The following UTY variants were observed in gnomAD, a reference collection of about 807,000 sequenced individuals.
UTY encodes ubiquitously transcribed tetratricopeptide repeat containing, Y-linked, also known as histone demethylase UTY.
In UTY, 12 loss-of-function variants were observed where a neutral mutation model predicts 32.5. That is an observed-to-expected ratio of 0.37 (90% CI 0.24 to 0.60). The LOEUF is 0.60. Among genes scored for constraint, UTY ranks in the 20% least tolerant of loss-of-function variants. UTY has a pLI of 0.69. For synonymous variants in UTY, 131 were observed against 103.4 expected (o/e 1.27, Z -1.62); for missense variants, 303 against 299.2 (o/e 1.01, Z -0.09).
chrY:13,345,404 G>C (rs2061823602), intron 17 of UTY, among the ~76,000 whole-genome samples: 3 of 34,116 alleles, frequency 8.8e-5, no homozygotes, highest in Non-Finnish European at 2.2e-4. Flanking sequence ...ACTGGAAGCT[G>C]ACTAGTCTAT....
chrY:13,315,957 A>T (rs2059457385), intron 21 of UTY, among the ~76,000 whole-genome samples: 1 of 33,292 alleles, frequency 3.0e-5, no homozygotes, highest in Admixed American at 2.7e-4. Flanking sequence ...GTCTCCCTAA[A>T]ATGTACAAAA....
chrY:13,311,526 C>A, intron 21 of UTY, among the ~76,000 whole-genome samples: 1 of 26,613 alleles, frequency 3.8e-5, no homozygotes, highest in Non-Finnish European at 8.8e-5. Context: ...ACCCGGGAGG[C>A]GGAGCTTGCA....
At chrY:13,272,567 A>C in intron 27 of UTY, among the ~76,000 whole-genome samples, 1 of 33,896 alleles carries the variant, frequency 3.0e-5, no homozygotes, top group Non-Finnish European at 7.3e-5. Flanking sequence ...AAGACAGACA[A>C]ATAACAGTTG....
At chrY:13,289,767 A>C (rs112596085) in intron 27 of UTY, among the ~76,000 whole-genome samples, 1,709 of 33,262 alleles carry the variant, frequency 0.051, no homozygotes, top group African/African-American at 0.19. Flanking sequence ...TAGACAAAGA[A>C]AGGTCATCAC....
Position 13,324,669 on chromosome Y carries a change from T to C in UTY, c.3002A>G (p.His1001Arg). 1 of 397,688 alleles carries C rather than the reference T, an allele frequency of 2.5e-6. No homozygotes were observed. The change falls in exon 20 of 30, where the codon CAT becomes CGT. Residue 1001 changes from histidine to arginine, a missense_variant. His to Arg is a conservative substitution (Grantham distance 29). Transcript: ENST00000545955. Reference protein sequence around the residue: ...NKRDAFFPPLHQFCTNPKNPV... With the variant: ...NKRDAFFPPLRQFCTNPKNPV... ...GTTTTTTGGATTTGTACAAAATTGA[T>C]GTAATGGAGGAAAGAAAGCATCACG...
chrY:13,418,471 T>C (rs2072077572), intron 4 of UTY, among the ~76,000 whole-genome samples: 1 of 33,102 alleles, frequency 3.0e-5, no homozygotes, highest in Non-Finnish European at 7.4e-5. Flanking sequence ...TCTAGATCCC[T>C]GAGGAATTGC....
intron 8 of UTY, among the ~76,000 whole-genome samples, chrY:13,389,577 T>C (rs2067292964): frequency 3.0e-5 from 1 of 33,823 alleles, no homozygotes; most frequent in African/African-American, 1.2e-4. Context: ...CAAAAAAGAC[T>C]ATCCTTTTCC....
chrY:13,340,152 G>A (rs2061389718), intron 17 of UTY, among the ~76,000 whole-genome samples: 2 of 31,926 alleles, frequency 6.3e-5, no homozygotes, highest in East Asian at 8.3e-4. Flanking sequence ...CTGGGTACCC[G>A]GATCAGTTTT....
At chrY:13,359,250 T>C in intron 12 of UTY, 28 bp from the exon 13 acceptor site, 1 of 380,733 alleles carries the variant, frequency 2.6e-6, no homozygotes, top group Non-Finnish European at 3.7e-6. Context: ...AAAAGCAAAT[T>C]TAACACAAGC....
At chrY:13,381,859 T>TA (rs2066171570) in intron 8 of UTY, among the ~76,000 whole-genome samples, 1 of 32,846 alleles carries the variant, frequency 3.0e-5, no homozygotes, top group Non-Finnish European at 7.4e-5. Context: ...TAAATAAACT[T>TA]ACTGCACTGC....
At chrY:13,313,766 C>T in intron 21 of UTY, among the ~76,000 whole-genome samples, 2 of 33,546 alleles carry the variant, frequency 6.0e-5, no homozygotes, top group African/African-American at 2.3e-4. Flanking sequence ...TCATCGGTTT[C>T]GTCTGGGAAC....
chrY:13,363,149 G>A (rs2063735565), intron 10 of UTY, among the ~76,000 whole-genome samples: 1 of 32,175 alleles, frequency 3.1e-5, no homozygotes. Context: ...TGATCCACCC[G>A]CCTCGGCCTC....
At chrY:13,472,927 A>G in intron 2 of UTY, among the ~76,000 whole-genome samples, 1 of 33,769 alleles carries the variant, frequency 3.0e-5, no homozygotes, top group Non-Finnish European at 7.3e-5. Flanking sequence ...CAATCTTAAT[A>G]TAACTGGAAT....
intron 6 of UTY, among the ~76,000 whole-genome samples, chrY:13,405,847 C>T: frequency 6.0e-5 from 2 of 33,175 alleles, no homozygotes; most frequent in Admixed American, 2.7e-4. Context: ...TTGTTATATG[C>T]ATTTATGATC....
At chrY:13,268,899 C>T in intron 27 of UTY, among the ~76,000 whole-genome samples, 1 of 33,742 alleles carries the variant, frequency 3.0e-5, no homozygotes, top group East Asian at 7.8e-4. Flanking sequence ...CCTCTGGAAG[C>T]TTTGTCCCAG....
chrY:13,479,333 C>G lies in UTY; in HGVS notation c.153-16G>C. On this transcript the variant is annotated splice_polypyrimidine_tract_variant and intron_variant, in intron 1 of 29. Transcript: ENST00000545955. ...GAAGAGACGGCTGTAGAGAGAGAGA[C>G]ACAGAGCTTGTTAATGGTCTGAGAA... is the stretch of plus-strand genomic sequence containing the variant. The G allele has an allele frequency of 2.5e-6, 1 of 396,644 alleles. No individual in the cohort carries two copies. Among genetic ancestry groups the G allele is most frequent in the Non-Finnish European group, 3.5e-6 (1 of 282,063 alleles).
intron 4 of UTY, among the ~76,000 whole-genome samples, chrY:13,445,244 AAT>A (rs60043171): frequency 0.08 from 413 of 5,153 alleles, no homozygotes; most frequent in East Asian, 0.29. Context: ...TTTTTAAAAT[AAT>A]ATATATATAT....
intron 17 of UTY, among the ~76,000 whole-genome samples, chrY:13,346,526 T>C: frequency 3.0e-5 from 1 of 33,332 alleles, no homozygotes; most frequent in South Asian, 6.7e-4. Flanking sequence ...GGTACCAATA[T>C]GGGAGCCTAA....
At chrY:13,350,802 A>C (rs111585799) in intron 17 of UTY, among the ~76,000 whole-genome samples, 2,345 of 33,171 alleles carry the variant, frequency 0.071, no homozygotes, top group Non-Finnish European at 0.11. Context: ...AAGCACTGTG[A>C]AAATCCCTGT....
Sources: allele counts gnomAD v4.1 joint callset (sites outside exome capture counted in the v4.1 genomes callset), GRCh38; gene constraint gnomAD v4.1.1; transcripts MANE v1.5; gene names NCBI Gene and HGNC (gene_info 2026-07-23, HGNC 2026-07-21).